The following WNK2 variants were observed in gnomAD, a reference collection of about 807,000 sequenced individuals.
WNK2 encodes serine/threonine-protein kinase WNK2.
A neutral mutation model predicts 192.1 loss-of-function variants in WNK2; 67 were observed. That is an observed-to-expected ratio of 0.35 (90% CI 0.29 to 0.43). The LOEUF (loss-of-function observed/expected upper bound fraction) is 0.43. WNK2 is among the 20% of genes least tolerant of loss of function. The probability of loss-of-function intolerance (pLI) is 1.00; values close to 1 mark genes in which losing one functional copy is unlikely to be tolerated. For synonymous variants in WNK2, 1,439 were observed against 1,393.9 expected (o/e 1.03, Z -0.72); for missense variants, 2,698 against 3,089.7 (o/e 0.87, Z 3.01).
Position 93,267,790 on chromosome 9 carries a change from C to T in WNK2, c.3741C>T (p.Ile1247=), listed in dbSNP as rs138448641. The T allele has an allele frequency of 2.7e-5, 44 of 1,610,510 alleles. No homozygotes were observed. Among genetic ancestry groups the T allele is most frequent in the Non-Finnish European group, 3.1e-5 (37 of 1,178,584 alleles). Residue 1247 remains isoleucine, a synonymous_variant, in exon 17 of 30, where the codon ATC becomes ATT. Transcript: ENST00000427277. ...FILQAERETF[I]EQMKDVMDKA... ...TGCAGGCCGAGCGGGAAACGTTCAT[C>T]GAGCAGATGAAGGATGTCATGGACA... is the stretch of plus-strand genomic sequence containing the variant.
At chr9:93,255,230 A>G (rs59591791) in intron 9 of WNK2, among the ~76,000 whole-genome samples, 3,632 of 152,230 alleles carry the variant, frequency 0.024, 141 homozygotes, top group African/African-American at 0.083. Flanking sequence ...GATGGTTGCC[A>G]TGGTGATGTG....
rs1343239593 is a variant in WNK2 at position 93,257,164 on chromosome 9, T to C, written c.2382+25T>C. The C allele has an allele frequency of 6.3e-7, 1 of 1,594,574 alleles. No homozygotes were observed. The highest frequency in any genetic ancestry group is 8.5e-7 in the Non-Finnish European group (1 of 1,175,672). ...GGTAATTCTAGGTTGATGGCTGCCGTCAGTGGTGGCGCACGCTTTGCCAGG... is the reference window on the plus strand; with the variant it reads ...GGTAATTCTAGGTTGATGGCTGCCGCCAGTGGTGGCGCACGCTTTGCCAGG... On this transcript the variant is annotated intron_variant, in intron 11 of 29. Transcript: ENST00000427277. The surrounding 1 kb of genome is among the most constrained non-coding windows in gnomAD (Gnocchi z 4.7).
intron 18 of WNK2, 84 bp from the exon 19 acceptor site, chr9:93,268,543 C>G: frequency 1.3e-6 from 2 of 1,548,438 alleles, no homozygotes; most frequent in Non-Finnish European, 1.7e-6. Flanking sequence ...CCCACTGTGG[C>G]AAGTCTGGTG....
At chr9:93,269,882 A>G (rs987801378) in intron 19 of WNK2, among the ~76,000 whole-genome samples, 4 of 152,226 alleles carry the variant, frequency 2.6e-5, no homozygotes, top group Admixed American at 1.3e-4. Flanking sequence ...AATTTAGATA[A>G]ACCATCCACT....
chr9:93,226,452 C>CT (rs994187563), intron 2 of WNK2, among the ~76,000 whole-genome samples: 27 of 150,386 alleles, frequency 1.8e-4, no homozygotes, highest in Non-Finnish European at 3.0e-4. Context: ...GATTTTTTTC[C>CT]TTTTTTTTTG....
Position 93,269,884 on chromosome 9 carries a change from C to T in WNK2, c.4033+1138C>T, listed in dbSNP as rs181795660. 7.0e-4 allele frequency among the ~76,000 whole-genome samples: 107 copies of T among 152,230 alleles called. 1 individual carries two copies. The highest frequency in any genetic ancestry group is 2.3e-3 in the African/African-American group (95 of 41,536). ...TGGCAGATCTGTTAATTTAGATAAA[C>T]CATCCACTGAGAATAACCAAAAAAT... On this transcript the variant is annotated intron_variant, in intron 19 of 29. Transcript: ENST00000427277.
intron 28 of WNK2, among the ~76,000 whole-genome samples, chr9:93,312,167 T>TA (rs2134349963): frequency 6.6e-6 from 1 of 152,364 alleles, no homozygotes; most frequent in East Asian, 1.9e-4. Flanking sequence ...TATTAATCCC[T>TA]TATCAGATAT....
rs745415350 is a variant in WNK2, at chr9:93,299,097, C to T, written c.5951C>T (p.Pro1984Leu). Residue 1984 changes from proline (P) to leucine (L), a missense_variant, in exon 25 of 30, where the codon CCT (proline) becomes CTT (leucine). By Grantham distance (98) the Pro-to-Leu change is moderately conservative (BLOSUM62 -3). Around this residue, in one of 7 missense-constraint regions of WNK2, gnomAD observed 1,098 missense variants for 1,101.0 expected, o/e 1.00. Transcript: ENST00000427277. ...CACTTGGCTGACTCCAGCAGAGGCC[C>T]TCCCGCTAAGGACCCTGCCCAAGCC... Reference protein sequence around the residue: ...TGHLADSSRGPPAKDPAQASV... With the variant: ...TGHLADSSRGLPAKDPAQASV... 40 of 1,610,970 alleles carry T rather than the reference C, an allele frequency of 2.5e-5. No individual in the cohort carries two copies. The East Asian group carries it at 8.7e-4, about 35-fold the overall frequency.
At chr9:93,196,164 T>A (rs769792704) in intron 2 of WNK2, among the ~76,000 whole-genome samples, 19 of 152,190 alleles carry the variant, frequency 1.2e-4, no homozygotes, top group Admixed American at 2.6e-4. Context: ...CAGGACTGGC[T>A]CTGGGGAGGG....
chr9:93,282,579 T>A (rs1412764951), intron 19 of WNK2, among the ~76,000 whole-genome samples: 1 of 152,114 alleles, frequency 6.6e-6, no homozygotes, highest in Non-Finnish European at 1.5e-5. Flanking sequence ...TATATTTTTA[T>A]ATCAATGTAG....
intron 14 of WNK2, chr9:93,263,263 C>G (rs1844585833): frequency 2.0e-6 from 1 of 494,176 alleles, no homozygotes; most frequent in Admixed American, 3.4e-5. Context: ...GTTGCTGTAG[C>G]ACAGATGGGG....
chr9:93,197,940 GTTA>G (rs1166132569), intron 2 of WNK2, among the ~76,000 whole-genome samples: 1 of 152,150 alleles, frequency 6.6e-6, no homozygotes, highest in East Asian at 1.9e-4. Flanking sequence ...TCAGAGTGCT[GTTA>G]TTAAGAAATG....
intron 2 of WNK2, among the ~76,000 whole-genome samples, chr9:93,203,056 C>G (rs1232485670): frequency 2.0e-5 from 3 of 150,596 alleles, no homozygotes; most frequent in Non-Finnish European, 4.4e-5. Flanking sequence ...ATGGGATGCT[C>G]AGAGCCCCAC....
intron 29 of WNK2, chr9:93,318,646 CCT>C (rs1240136817): frequency 6.4e-7 from 1 of 1,558,260 alleles, no homozygotes; most frequent in Non-Finnish European, 8.7e-7. Context: ...GAGAGGCTGC[CCT>C]CTCTCCTGCC....
At chr9:93,245,208 T>G (rs1482778809) in intron 7 of WNK2, among the ~76,000 whole-genome samples, 2 of 152,252 alleles carry the variant, frequency 1.3e-5, no homozygotes, top group African/African-American at 2.4e-5. Flanking sequence ...CATTTGAGAC[T>G]AAGTGGCTGA....
chr9:93,232,380 AG>A (rs565163626), intron 4 of WNK2, among the ~76,000 whole-genome samples: 100 of 152,220 alleles, frequency 6.6e-4, no homozygotes, highest in African/African-American at 2.2e-3. Flanking sequence ...ATGGGTATAT[AG>A]GTGAGGGTCT....
rs1841940173 is a variant in WNK2, at chr9:93,247,540, C to T, written c.1543-3C>T. On this transcript the variant is annotated splice_polypyrimidine_tract_variant and splice_region_variant and intron_variant, in intron 7 of 29. Transcript: ENST00000427277. This position sits in a 1 kb window ranked among gnomAD's most constrained non-coding sequence, Gnocchi z 5.2. The stretch of plus-strand genomic sequence containing the variant: ...GATGCTGACAACATGACTGCCTTTA[C>T]AGATTGAGTCTGGATTCTTCCACGA... 6.2e-7 allele frequency: 1 copy of T among 1,609,002 alleles called. No homozygotes were observed. Among genetic ancestry groups the T allele is most frequent in the Non-Finnish European group, 8.5e-7 (1 of 1,178,026 alleles).
intron 2 of WNK2, among the ~76,000 whole-genome samples, chr9:93,209,245 G>T (rs1023154393): frequency 9.2e-5 from 14 of 152,130 alleles, no homozygotes; most frequent in African/African-American, 3.1e-4. Context: ...GATCTCCTGG[G>T]GCTGTACGCC....
intron 2 of WNK2, among the ~76,000 whole-genome samples, chr9:93,205,438 C>T (rs1050971645): frequency 6.6e-6 from 1 of 152,212 alleles, no homozygotes; most frequent in Non-Finnish European, 1.5e-5. Flanking sequence ...TTAGCCCTAT[C>T]CTGGGCCCCC....
Sources: gnomAD v4.1 joint callset for allele counts (sites outside exome capture counted in the v4.1 genomes callset) on GRCh38, gnomAD v4.1.1 for gene constraint, gnomAD v4.1.1 regional missense constraint, Gnocchi (gnomAD v3.1) non-coding constraint, MANE v1.5 for transcripts, NCBI Gene and HGNC (gene_info 2026-07-23, HGNC 2026-07-21) for gene names.